Variants in ROBO2 observed in about 807,000 individuals in gnomAD.
ROBO2 encodes roundabout homolog 2.
A neutral mutation model predicts 160.8 loss-of-function variants in ROBO2; 53 were observed. That is an observed-to-expected ratio of 0.33 (90% CI 0.26 to 0.41). The LOEUF (loss-of-function observed/expected upper bound fraction) is 0.41, where lower values mean the gene tolerates loss of function less well. Ranked by LOEUF, ROBO2 falls within the 10% of genes least tolerant of loss-of-function variation. The pLI is 1.00. For synonymous variants in ROBO2, 664 were observed against 611.7 expected (o/e 1.09, Z -1.26); for missense variants, 1,577 against 1,722.4 (o/e 0.92, Z 1.49).
intron 2 of ROBO2, among the ~76,000 whole-genome samples, chr3:76,220,393 G>T (rs191211660): frequency 3.1e-4 from 47 of 152,058 alleles, no homozygotes; most frequent in Admixed American, 1.2e-3. Flanking sequence ...AAGCGGTGTG[G>T]TCTTTTAGGG....
chr3:77,480,286 T>A (rs1362648537), intron 3 of ROBO2, among the ~76,000 whole-genome samples: 1 of 131,034 alleles, frequency 7.6e-6, no homozygotes, highest in East Asian at 2.4e-4. Context: ...AAGCTAATAT[T>A]GAATTAAATG....
intron 5 of ROBO2, among the ~76,000 whole-genome samples, chr3:77,501,950 T>G (rs2087676668): frequency 6.6e-6 from 1 of 152,150 alleles, no homozygotes; most frequent in Non-Finnish European, 1.5e-5. Context: ...GCATTTTCCT[T>G]TCCCATAAAT....
chr3:77,277,208 CTTTCTTCT>C (rs1238093047), intron 2 of ROBO2, among the ~76,000 whole-genome samples: 102 of 121,268 alleles, frequency 8.4e-4, no homozygotes, highest in African/African-American at 2.9e-3. Context: ...TTCTTTCTTT[CTTTCTTCT>C]TTCTTTCTTT....
At chr3:76,387,857 A>T (rs544904933) in intron 2 of ROBO2, among the ~76,000 whole-genome samples, 1 of 152,312 alleles carries the variant, frequency 6.6e-6, no homozygotes, top group Non-Finnish European at 1.5e-5. Flanking sequence ...CAAATCTTTA[A>T]GGTTGTTGCA....
At chr3:76,409,829 A>G (rs1026778695) in intron 2 of ROBO2, among the ~76,000 whole-genome samples, 1 of 152,158 alleles carries the variant, frequency 6.6e-6, no homozygotes, top group Non-Finnish European at 1.5e-5. Context: ...GCCTTAAATA[A>G]GCGAAACAAA....
At chr3:77,592,944 A>C (rs2094214152) in intron 17 of ROBO2, among the ~76,000 whole-genome samples, 2 of 152,152 alleles carry the variant, frequency 1.3e-5, no homozygotes, top group Non-Finnish European at 2.9e-5. Flanking sequence ...TCATGTATTA[A>C]AGTTAAGGGC....
At chr3:77,302,849 T>C (rs2062779270) in intron 2 of ROBO2, among the ~76,000 whole-genome samples, 1 of 152,194 alleles carries the variant, frequency 6.6e-6, no homozygotes, top group Non-Finnish European at 1.5e-5. Context: ...AATTTCATCA[T>C]TTATTTCCCA....
At chr3:76,825,732 G>C (rs2066528287) in intron 2 of ROBO2, among the ~76,000 whole-genome samples, 1 of 151,122 alleles carries the variant, frequency 6.6e-6, no homozygotes. Context: ...ATCAGTGTGA[G>C]TAGTGAGAAA....
At chr3:76,248,862 T>A (rs2107544224) in intron 2 of ROBO2, among the ~76,000 whole-genome samples, 1 of 151,912 alleles carries the variant, frequency 6.6e-6, no homozygotes, top group South Asian at 2.1e-4. Flanking sequence ...TTTAGTAAAG[T>A]CTAGCCTGCT....
In ROBO2 at chr3:76,206,093, A is replaced by G. The variant is rs567586443; in HGVS notation, c.109+268491A>G. 2.6e-5 allele frequency among the ~76,000 whole-genome samples: 4 copies of G among 152,192 alleles called. No homozygotes were observed. In the South Asian group the frequency reaches 6.2e-4, roughly 24 times the overall value. ...TCAAATACTTCTCTGCTCTCTCTCT[A>G]CAAATAAAGTCGTACAATTCCCCAC... On this transcript the variant is annotated intron_variant, in intron 2 of 26. Coordinates refer to the ROBO2 transcript ENST00000487694.
intron 2 of ROBO2, among the ~76,000 whole-genome samples, chr3:76,594,241 G>A (rs2086601287): frequency 6.6e-6 from 1 of 151,802 alleles, no homozygotes; most frequent in African/African-American, 2.4e-5. Flanking sequence ...ATCAAAATCT[G>A]GTTTCTCTCT....
intron 2 of ROBO2, among the ~76,000 whole-genome samples, chr3:77,413,954 A>T (rs529398168): frequency 1.3e-5 from 2 of 152,156 alleles, no homozygotes; most frequent in African/African-American, 4.8e-5. Context: ...CTTTGTGTAC[A>T]TGTAGTAATT....
At chr3:77,100,936 A>G (rs764019106) in intron 2 of ROBO2, among the ~76,000 whole-genome samples, 4 of 152,192 alleles carry the variant, frequency 2.6e-5, no homozygotes, top group Non-Finnish European at 4.4e-5. Context: ...AAGACCATCC[A>G]GGTAGAAAGA....
intron 2 of ROBO2, among the ~76,000 whole-genome samples, chr3:77,394,045 G>A (rs549546476): frequency 6.6e-6 from 1 of 152,208 alleles, no homozygotes; most frequent in South Asian, 2.1e-4. Flanking sequence ...CCTCATAACT[G>A]CTTCTAATCC....
intron 2 of ROBO2, among the ~76,000 whole-genome samples, chr3:76,180,968 T>C (rs1437132232): frequency 1.3e-5 from 2 of 152,138 alleles, no homozygotes; most frequent in African/African-American, 4.8e-5. Context: ...GTCAACCTTT[T>C]CTAGCCTGTA....
chr3:76,957,595 G>A (rs2079360886), intron 2 of ROBO2, among the ~76,000 whole-genome samples: 1 of 152,012 alleles, frequency 6.6e-6, no homozygotes, highest in African/African-American at 2.4e-5. Context: ...CGCTTTGGGA[G>A]GCCAAGGAGA....
In ROBO2 at chr3:77,072,829, G is replaced by A. The variant is rs151258109; in HGVS notation, c.62-25185G>A. Among the ~76,000 whole-genome samples, 187 of 152,212 alleles carry A rather than the reference G, an allele frequency of 1.2e-3. 2 individuals are homozygous for A. The highest frequency in any genetic ancestry group is 4.2e-3 in the African/African-American group (173 of 41,548). ...CTTGGTTTGTGTGCTTTGTGGTTAC[G>A]TCTTATATTAATCTGTTTTTCTTTA... is the stretch of plus-strand genomic sequence containing the variant. On this transcript the variant is annotated intron_variant, in intron 1 of 25. Coordinates refer to ENST00000461745, the Ensembl canonical transcript of ROBO2.
chr3:77,294,794 T>G (rs1306499875), intron 2 of ROBO2, among the ~76,000 whole-genome samples: 3 of 149,372 alleles, frequency 2.0e-5, no homozygotes. Context: ...GTTAAACGGG[T>G]AAGCTGAGGC....
chr3:77,135,710 G>A (rs970268687), intron 2 of ROBO2, among the ~76,000 whole-genome samples: 6 of 152,000 alleles, frequency 3.9e-5, no homozygotes, highest in East Asian at 1.9e-4. Context: ...ACACCCAGCC[G>A]CAATATCTTA....
Sources: allele counts gnomAD v4.1 joint callset (sites outside exome capture counted in the v4.1 genomes callset), GRCh38; gene constraint gnomAD v4.1.1; transcripts MANE v1.5; gene names NCBI Gene and HGNC (gene_info 2026-07-23, HGNC 2026-07-21).